PRKG1: variants seen among roughly 807,000 people sequenced by gnomAD.
PRKG1 encodes the protein protein kinase cGMP-dependent 1.
PRKG1 carries 35 observed loss-of-function variants against 88.1 expected under a neutral mutation model. The ratio of observed to expected loss-of-function variants is 0.40; its 90% CI spans 0.30 to 0.53. The LOEUF (loss-of-function observed/expected upper bound fraction) is 0.53, where lower values mean the gene tolerates loss of function less well. Ranked by LOEUF, PRKG1 falls within the 20% of genes least tolerant of loss-of-function variation. PRKG1 has a pLI of 0.59. For synonymous variants in PRKG1, 303 were observed against 292.5 expected (o/e 1.04, Z -0.37); for missense variants, 540 against 839.8 (o/e 0.64, Z 4.41).
At chr10:51,558,470 C>G (rs1169611803) in intron 3 of PRKG1, among the ~76,000 whole-genome samples, 1 of 151,924 alleles carries the variant, frequency 6.6e-6, no homozygotes, top group African/African-American at 2.4e-5. Flanking sequence ...TACACTATTC[C>G]CAGGATGGCC....
chr10:51,613,834 T>A (rs1838975858), intron 3 of PRKG1, among the ~76,000 whole-genome samples: 1 of 152,024 alleles, frequency 6.6e-6, no homozygotes, highest in African/African-American at 2.4e-5. Context: ...TATTCCCTTG[T>A]GGTCTGAGAA....
intron 6 of PRKG1, among the ~76,000 whole-genome samples, chr10:52,059,394 G>A (rs1846182797): frequency 6.6e-6 from 1 of 150,728 alleles, no homozygotes; most frequent in Non-Finnish European, 1.5e-5. Flanking sequence ...ATTCATAATT[G>A]CCAAAACTAG....
intron 5 of PRKG1, among the ~76,000 whole-genome samples, chr10:52,026,680 A>G (rs1001880192): frequency 1.3e-5 from 2 of 152,228 alleles, no homozygotes; most frequent in Admixed American, 1.3e-4. Flanking sequence ...TTGTGCATTT[A>G]AAAGGGTGAA....
chr10:52,129,602 T>C (rs1018635308), intron 7 of PRKG1, among the ~76,000 whole-genome samples: 3 of 152,274 alleles, frequency 2.0e-5, no homozygotes, highest in Admixed American at 6.5e-5. Flanking sequence ...AGAAATAAAA[T>C]GACACCGTCA....
At chr10:51,034,479 T>C (rs959274551) in intron 1 of PRKG1, among the ~76,000 whole-genome samples, 1 of 151,758 alleles carries the variant, frequency 6.6e-6, no homozygotes, top group Non-Finnish European at 1.5e-5. Flanking sequence ...ATTTTTACAG[T>C]CTTTCAATGG....
At chr10:51,765,229 G>A (rs950441276) in intron 3 of PRKG1, among the ~76,000 whole-genome samples, 1 of 152,104 alleles carries the variant, frequency 6.6e-6, no homozygotes, top group African/African-American at 2.4e-5. Flanking sequence ...GAATGCTGAG[G>A]GAATTTCAGG....
At chr10:51,207,149 C>A (rs1838083805) in intron 2 of PRKG1, among the ~76,000 whole-genome samples, 1 of 152,130 alleles carries the variant, frequency 6.6e-6, no homozygotes, top group African/African-American at 2.4e-5. Flanking sequence ...GGGAATTAGC[C>A]AGGGCATGAT....
At chr10:51,863,764 G>C (rs894945479) in intron 4 of PRKG1, among the ~76,000 whole-genome samples, 2 of 152,106 alleles carry the variant, frequency 1.3e-5, no homozygotes, top group Non-Finnish European at 2.9e-5. Context: ...AGAAATCTCT[G>C]TTCCTTATAA....
At chr10:51,244,268 C>A (rs1220266396) in intron 2 of PRKG1, among the ~76,000 whole-genome samples, 1 of 149,596 alleles carries the variant, frequency 6.7e-6, no homozygotes, top group Non-Finnish European at 1.5e-5. Flanking sequence ...ATTAAGGAAA[C>A]TAAGCATTTG....
chr10:51,176,180 A>G (rs1173081371), intron 2 of PRKG1, among the ~76,000 whole-genome samples: 5 of 152,258 alleles, frequency 3.3e-5, no homozygotes, highest in African/African-American at 1.2e-4. Context: ...TTTTTATTAC[A>G]TTATCTCATT....
chr10:51,125,664 G>A (rs761618660), intron 1 of PRKG1, among the ~76,000 whole-genome samples: 341 of 147,238 alleles, frequency 2.3e-3, no homozygotes, highest in Non-Finnish European at 4.2e-3. Flanking sequence ...CCTTGGCAAC[G>A]GAGTAAAACT....
intron 5 of PRKG1, among the ~76,000 whole-genome samples, chr10:51,998,769 T>A: frequency 6.6e-6 from 1 of 152,226 alleles, no homozygotes; most frequent in East Asian, 1.9e-4. Flanking sequence ...CTTCTGTTTA[T>A]CAGGGAAAGC....
At chr10:51,914,821 A>G (rs1892367) in intron 5 of PRKG1, among the ~76,000 whole-genome samples, 39,759 of 152,164 alleles carry the variant, frequency 0.26, 5,492 homozygotes, top group East Asian at 0.5. Context: ...CTGGATATTT[A>G]TACTTCTATG....
chr10:51,402,972 G>A (rs1220662351), intron 2 of PRKG1, among the ~76,000 whole-genome samples: 1 of 152,136 alleles, frequency 6.6e-6, no homozygotes, highest in African/African-American at 2.4e-5. Flanking sequence ...AAAAGGCAAA[G>A]CTACTACTAC....
chr10:51,999,057 T>G (rs1844526511), intron 5 of PRKG1, among the ~76,000 whole-genome samples: 2 of 152,314 alleles, frequency 1.3e-5, no homozygotes, highest in South Asian at 2.1e-4. Context: ...CTCTGTTTTT[T>G]GGGGTTTAGG....
chr10:51,574,070 G>A (rs1837824155), intron 3 of PRKG1, among the ~76,000 whole-genome samples: 1 of 151,868 alleles, frequency 6.6e-6, no homozygotes, highest in African/African-American at 2.4e-5. Context: ...ATCAGTTCTG[G>A]CCCCAGGAAT....
chr10:51,699,515 T>C, intron 3 of PRKG1: 1 of 1,612,638 alleles, frequency 6.2e-7, no homozygotes, highest in Non-Finnish European at 8.5e-7. Context: ...CAGTGATCGA[T>C]CCATTGCCGG....
Position 51,064,329 on chromosome 10 carries a change from G to C in PRKG1, c.266+72685G>C, listed in dbSNP as rs183081488. 4.3e-3 allele frequency among the ~76,000 whole-genome samples: 647 copies of C among 152,118 alleles called. 2 individuals are homozygous for C. Among genetic ancestry groups the C allele is most frequent in the African/African-American group, 0.014 (593 of 41,540 alleles). On this transcript the variant is annotated intron_variant, in intron 1 of 17. Coordinates refer to the PRKG1 transcript ENST00000401604. ...AGATAAATGATGCAATGCCAAGAGG[G>C]TTTTTACATTCACATGGTTATTAAT...
chr10:51,212,716 A>G (rs1219705765), intron 2 of PRKG1, among the ~76,000 whole-genome samples: 2 of 152,252 alleles, frequency 1.3e-5, no homozygotes, highest in African/African-American at 2.4e-5. Context: ...ACATGAAAAA[A>G]TACTCATCAT....
Sources: gnomAD v4.1 joint callset for allele counts (sites outside exome capture counted in the v4.1 genomes callset) on GRCh38, gnomAD v4.1.1 for gene constraint, MANE v1.5 for transcripts, NCBI Gene and HGNC (gene_info 2026-07-23, HGNC 2026-07-21) for gene names.